The following DIS3L2 variants were observed in gnomAD, a reference collection of about 807,000 sequenced individuals.
DIS3L2 encodes the protein DIS3 like 3'-5' exoribonuclease 2, also known as DIS3-like exonuclease 2.
Under a neutral mutation model 97.5 loss-of-function variants are expected in DIS3L2, and 34 were observed. The ratio of observed to expected loss-of-function variants is 0.35; its 90% CI spans 0.27 to 0.46. The LOEUF is 0.46. Among genes scored for constraint, DIS3L2 ranks in the 20% least tolerant of loss-of-function variants. The pLI, the probability that DIS3L2 is intolerant of heterozygous loss-of-function variation, is 1.00. For missense variants in DIS3L2, 1,038 were observed against 1,146.0 expected, an observed-to-expected ratio of 0.91 and a Z score of 1.36; for synonymous variants, 435 against 445.2, an observed-to-expected ratio of 0.98 and a Z score of 0.29.
At chr2:232,140,190 C>G (rs1379952235) in intron 8 of DIS3L2, among the ~76,000 whole-genome samples, 1 of 152,134 alleles carries the variant, frequency 6.6e-6, no homozygotes, top group Non-Finnish European at 1.5e-5. Context: ...TGGTGAAATA[C>G]TCAACTTTTA....
In DIS3L2 at chr2:232,281,330, C is replaced by T. The variant is rs529342244; in HGVS notation, c.1659+17890C>T. Among the ~76,000 whole-genome samples, 13 of 152,248 alleles carry T rather than the reference C, an allele frequency of 8.5e-5. No individual in the cohort carries two copies. The South Asian group carries it at 1.2e-3, about 15-fold the overall frequency. ...AGGAGAAGGGCGTGAACCCGGGAGG[C>T]GGAGCTTGCAGTGAGCCGAGATGGC... On this transcript the variant is annotated intron_variant, in intron 13 of 20. Coordinates refer to ENST00000325385, the MANE Select transcript of DIS3L2 (RefSeq NM_152383.5). The surrounding 1 kb of genome is among the most constrained non-coding windows in gnomAD (Gnocchi z 4.1).
rs1255437826 is a variant in DIS3L2, at chr2:231,981,595, A to ATT, written c.-94+19833_-94+19834dup. Among the ~76,000 whole-genome samples the ATT allele has an allele frequency of 4.6e-3, 185 of 40,488 alleles. 1 individual carries two copies. The highest frequency in any genetic ancestry group is 0.011 in the African/African-American group (141 of 13,260). 26.6% of individuals were successfully genotyped at this position (40,488 alleles called of 152,430 possible). ...TGTCAGTAATGTTATACTGTTAAGT[A>ATT]TTTTATATATATATATATATATATA... is the stretch of plus-strand genomic sequence containing the variant. On this transcript the variant is annotated intron_variant, in intron 1 of 20. Coordinates refer to ENST00000325385, the MANE Select transcript of DIS3L2 (RefSeq NM_152383.5).
intron 1 of DIS3L2, among the ~76,000 whole-genome samples, chr2:231,977,714 C>T (rs976996968): frequency 1.3e-5 from 2 of 152,196 alleles, no homozygotes; most frequent in African/African-American, 4.8e-5. Context: ...CTCAATTGGA[C>T]TCAGTGTAAT....
At chr2:232,294,993 T>C (rs1694689875) in intron 13 of DIS3L2, among the ~76,000 whole-genome samples, 1 of 152,182 alleles carries the variant, frequency 6.6e-6, no homozygotes, top group Admixed American at 6.5e-5. Context: ...TCCTGGTCCA[T>C]ATGCTGCCGT....
chr2:232,014,959 G>A lies in DIS3L2; in HGVS notation c.32G>A (p.Arg11Gln), dbSNP rs1574812165. The A allele has an allele frequency of 3.7e-6, 6 of 1,613,992 alleles. No homozygotes were observed. Among genetic ancestry groups the A allele is most frequent in the South Asian group, 2.2e-5 (2 of 91,060 alleles). ...CATCCTGACTACAGAATGAACCTCC[G>A]GCCCCTGGGGACCCCCAGAGGTAGT... MSHPDYRMNL[R>Q]PLGTPRGVSA... is the part of the protein sequence containing the mutation. The change falls in exon 2 of 21, where the codon CGG (arginine) becomes CAG (glutamine). Residue 11 changes from arginine to glutamine, a missense_variant. Physicochemically the swap from Arg to Gln is conservative, Grantham distance 43. Around this residue, in one of 3 missense-constraint regions of DIS3L2, gnomAD observed 813 missense variants for 880.1 expected, o/e 0.92. Transcript: ENST00000325385.
intron 6 of DIS3L2, among the ~76,000 whole-genome samples, chr2:232,116,180 A>AAATG (rs755182622): frequency 5.7e-5 from 2 of 34,810 alleles, no homozygotes; most frequent in East Asian, 4.2e-4. Context: ...TTAAATAAAT[A>AAATG]AATGAATAAA....
intron 5 of DIS3L2, among the ~76,000 whole-genome samples, chr2:232,050,016 G>C (rs557888317): frequency 1.1e-4 from 16 of 152,274 alleles, no homozygotes; most frequent in African/African-American, 3.9e-4. Context: ...TAGTGATGTG[G>C]ATTCTGCAGT....
chr2:232,160,611 C>T (rs558592200), intron 8 of DIS3L2, among the ~76,000 whole-genome samples: 1 of 152,154 alleles, frequency 6.6e-6, no homozygotes, highest in East Asian at 1.9e-4. Context: ...TGTGGTGGCT[C>T]AAAGCTGTAA....
chr2:232,014,088 A>G (rs1176564268), intron 1 of DIS3L2, among the ~76,000 whole-genome samples: 2 of 152,224 alleles, frequency 1.3e-5, no homozygotes, highest in African/African-American at 4.8e-5. Context: ...ACTAGAAAGT[A>G]GAAGTTGTGA....
chr2:232,082,176 TC>T (rs1403910897), intron 5 of DIS3L2, among the ~76,000 whole-genome samples: 2 of 152,190 alleles, frequency 1.3e-5, no homozygotes, highest in African/African-American at 4.8e-5. Context: ...AATGATCTTT[TC>T]CCCCCATACC....
intron 1 of DIS3L2, among the ~76,000 whole-genome samples, chr2:231,969,309 CTTTTTTTTTTT>C (rs149580697): frequency 8.8e-5 from 12 of 137,078 alleles, no homozygotes; most frequent in African/African-American, 3.2e-4. Context: ...AGTCCTAGAC[CTTTTTTTTTTT>C]TTTTTTTTGA....
intron 8 of DIS3L2, among the ~76,000 whole-genome samples, chr2:232,145,202 CT>C (rs1310323726): frequency 1.3e-5 from 2 of 152,078 alleles, no homozygotes; most frequent in African/African-American, 4.8e-5. Context: ...AGAAAGTAAT[CT>C]TTTTAGCAGT....
At chr2:232,282,142 TA>T (rs60408194) in intron 13 of DIS3L2, among the ~76,000 whole-genome samples, 3,000 of 107,138 alleles carry the variant, frequency 0.028, 63 homozygotes, top group African/African-American at 0.077. Context: ...CTCGTTTATT[TA>T]AAAAAAAAAA....
chr2:232,124,503 C>G (rs576283274), intron 6 of DIS3L2, among the ~76,000 whole-genome samples: 8 of 152,172 alleles, frequency 5.3e-5, no homozygotes, highest in Non-Finnish European at 1.0e-4. Context: ...AGAAAGTTAA[C>G]AAACTGGAAG....
intron 16 of DIS3L2, among the ~76,000 whole-genome samples, chr2:232,333,086 C>T (rs922408280): frequency 8.6e-5 from 13 of 151,588 alleles, no homozygotes; most frequent in Non-Finnish European, 1.2e-4. Context: ...AAACCGCAGG[C>T]GGCCTCCTCC....
chr2:232,122,610 C>T (rs150379802), intron 6 of DIS3L2, among the ~76,000 whole-genome samples: 3,144 of 152,078 alleles, frequency 0.021, 97 homozygotes, highest in African/African-American at 0.071. Flanking sequence ...CCCAGCTACT[C>T]GGGAGGCTGA....
At chr2:232,310,450 G>A (rs76665934) in intron 14 of DIS3L2, among the ~76,000 whole-genome samples, 10,473 of 152,266 alleles carry the variant, frequency 0.069, 442 homozygotes, top group South Asian at 0.11. Context: ...TTCGGGTAGT[G>A]TTCAGCGAAG....
At chr2:232,174,288 A>T (rs1235646423) in intron 9 of DIS3L2, among the ~76,000 whole-genome samples, 1 of 151,992 alleles carries the variant, frequency 6.6e-6, no homozygotes, top group East Asian at 1.9e-4. Context: ...CTGCAACCTT[A>T]CAAAAATCAT....
In DIS3L2 at chr2:232,226,075, T is replaced by C. The variant is rs142210489; in HGVS notation, c.1205-12458T>C. ...GATATGGGCTTTCTTTCTGGGGTGA[T>C]GAAAATGTTCTAAAATTTATTGTAG... On this transcript the variant is annotated intron_variant, in intron 10 of 20. Coordinates refer to ENST00000325385, the MANE Select transcript of DIS3L2 (RefSeq NM_152383.5). Among the ~76,000 whole-genome samples, 19 of 152,320 alleles carry C rather than the reference T, an allele frequency of 1.2e-4. No homozygotes were observed. The East Asian group carries it at 3.3e-3, about 26-fold the overall frequency.
Sources: allele counts gnomAD v4.1 joint callset (sites outside exome capture counted in the v4.1 genomes callset), GRCh38; gene constraint gnomAD v4.1.1; regional missense constraint gnomAD v4.1.1; non-coding constraint Gnocchi (gnomAD v3.1); transcripts MANE v1.5; gene names NCBI Gene and HGNC (gene_info 2026-07-23, HGNC 2026-07-21).